Variants in KIAA0513 observed in about 807,000 individuals in gnomAD.
KIAA0513 encodes uncharacterized protein KIAA0513.
Under a neutral mutation model 56.5 loss-of-function variants are expected in KIAA0513, and 39 were observed. That is an observed-to-expected ratio of 0.69 (90% confidence interval 0.53 to 0.90). The LOEUF is 0.90. Among genes scored for constraint, KIAA0513 ranks in the 40% least tolerant of loss-of-function variants. The probability of loss-of-function intolerance (pLI) is 0.00; values close to 1 mark genes in which losing one functional copy is unlikely to be tolerated. For synonymous variants in KIAA0513, 268 were observed against 215.6 expected (o/e 1.24, Z -2.13); for missense variants, 591 against 535.2 (o/e 1.10, Z -1.03).
chr16:85,077,997 C>T (rs938068699), intron 6 of KIAA0513, among the ~76,000 whole-genome samples: 18 of 152,180 alleles, frequency 1.2e-4, no homozygotes, highest in African/African-American at 4.1e-4. Flanking sequence ...AAAACACTGT[C>T]CCCAGGAGAG....
At position 85,091,483 on chromosome 16, in the gene KIAA0513, T is replaced by A. The variant is rs896568292; in HGVS notation, c.*3158T>A. On this transcript the variant is annotated 3_prime_UTR_variant, in exon 13 of 13. Coordinates refer to ENST00000683363, the MANE Select transcript of KIAA0513 (RefSeq NM_001388359.1). Reference sequence around the variant, plus strand: ...AAGGGGGCCAAACAGCTCTGAAATTTCCAAAAAATGGCTAGAGGGAGAGTC... The same window carrying A: ...AAGGGGGCCAAACAGCTCTGAAATTACCAAAAAATGGCTAGAGGGAGAGTC... 1 of 152,128 alleles carries A rather than the reference T, an allele frequency of 6.6e-6. No homozygotes were observed. Among genetic ancestry groups the A allele is most frequent in the South Asian group, 2.1e-4 (1 of 4,826 alleles). 9.4% of individuals were successfully genotyped at this position (152,128 alleles called of 1,614,324 possible).
chr16:85,064,829 C>G (rs1423671258), intron 1 of KIAA0513, among the ~76,000 whole-genome samples: 1 of 152,068 alleles, frequency 6.6e-6, no homozygotes, highest in Non-Finnish European at 1.5e-5. Flanking sequence ...GGATTACAGG[C>G]AAGCCCCACC....
rs568262783 is a variant in KIAA0513 at position 85,061,691 on chromosome 16, G to C, written c.-172-5209G>C. On this transcript the variant is annotated intron_variant, in intron 1 of 12. Coordinates refer to ENST00000683363, the MANE Select transcript of KIAA0513 (RefSeq NM_001388359.1). ...TGCTGGAGAAGCCACAGCTCTGGTT[G>C]TTCCGGGATGCTGGGGAAATCAGTG... Among the ~76,000 whole-genome samples, 54 of 152,348 alleles carry C rather than the reference G, an allele frequency of 3.5e-4. 1 individual carries two copies. The South Asian group carries it at 8.3e-3, about 23-fold the overall frequency.
At chr16:85,042,520 C>G (rs762752295) in intron 1 of KIAA0513, among the ~76,000 whole-genome samples, 1 of 152,208 alleles carries the variant, frequency 6.6e-6, no homozygotes. Flanking sequence ...CATCTTTGCT[C>G]TGTAGCCTTA....
At chr16:85,072,054 T>C (rs1443519493) in intron 3 of KIAA0513, among the ~76,000 whole-genome samples, 172 bp downstream of exon 3, 1 of 152,046 alleles carries the variant, frequency 6.6e-6, no homozygotes, top group Non-Finnish European at 1.5e-5. Flanking sequence ...AAGGAGTGTT[T>C]AGAATAGTAA....
At position 85,073,068 on chromosome 16, in the gene KIAA0513, C is replaced by G. The variant is rs1597631752; in HGVS notation, c.503+70C>G. 9 of 1,286,520 alleles carry G rather than the reference C, an allele frequency of 7.0e-6. No individual in the cohort carries two copies. In the East Asian group the frequency reaches 2.1e-4, roughly 30 times the overall value. 79.7% of individuals were successfully genotyped at this position (1,286,520 alleles called of 1,614,324 possible). On this transcript the variant is annotated intron_variant, in intron 4 of 12. Transcript: ENST00000683363. ...CTTCCCTCCCTGCCTCCCTCCCCACCCAGCCGTGTCATAACCCAGCTGTGA... is the reference window on the plus strand; with the variant it reads ...CTTCCCTCCCTGCCTCCCTCCCCACGCAGCCGTGTCATAACCCAGCTGTGA...
At chr16:85,074,739 C>T (rs953620991) in intron 4 of KIAA0513, among the ~76,000 whole-genome samples, 2 of 152,208 alleles carry the variant, frequency 1.3e-5, no homozygotes, top group Non-Finnish European at 2.9e-5. Flanking sequence ...TGGTTTAAAA[C>T]AGGCCCTCCA....
chr16:85,071,946 C>A, intron 3 of KIAA0513, 64 bp downstream of exon 3: 2 of 1,124,180 alleles, frequency 1.8e-6, no homozygotes, highest in Non-Finnish European at 2.7e-6. Context: ...TGAAGCATAA[C>A]AAATTTGACT....
At chr16:85,049,290 G>C (rs1181425027) in intron 1 of KIAA0513, among the ~76,000 whole-genome samples, 1 of 152,250 alleles carries the variant, frequency 6.6e-6, no homozygotes, top group African/African-American at 2.4e-5. Context: ...ATAGAGGCAT[G>C]GATGTCCTCA....
In KIAA0513 at chr16:85,067,408, G is replaced by C. The variant is rs372241296; in HGVS notation, c.329+8G>C. On this transcript the variant is annotated splice_region_variant and intron_variant, in intron 2 of 12. Transcript: ENST00000683363. The stretch of plus-strand genomic sequence containing the variant: ...GAAGATCTTCTCTGGAGGGTAAGGG[G>C]CCTGTGTGGACGAGACAGCCTGGTG... The C allele has an allele frequency of 2.5e-6, 4 of 1,589,960 alleles. No individual in the cohort carries two copies. The African/African-American group carries it at 5.4e-5, about 21-fold the overall frequency.
chr16:85,070,633 G>T (rs1182945480), intron 2 of KIAA0513, among the ~76,000 whole-genome samples: 1 of 152,222 alleles, frequency 6.6e-6, no homozygotes, highest in Non-Finnish European at 1.5e-5. Flanking sequence ...AGCTGAGATT[G>T]CGCCACTGCA....
At position 85,071,883 on chromosome 16, in the gene KIAA0513, G is replaced by C; in HGVS notation, c.429+1G>C. 2 of 1,590,538 alleles carry C rather than the reference G, an allele frequency of 1.3e-6. No individual in the cohort carries two copies. The highest frequency in any genetic ancestry group is 1.7e-6 in the Non-Finnish European group (2 of 1,158,782). On this transcript the variant is annotated splice_donor_variant, in intron 3 of 12. Transcript: ENST00000683363. LOFTEE classifies it high-confidence loss of function. ...GTTTGCTCGATACGTGAGTGCCCAG[G>C]TAAGGGCGAGGTGATGGGAAGGATG... is the stretch of plus-strand genomic sequence containing the variant.
At chr16:85,062,468 G>A (rs563971815) in intron 1 of KIAA0513, among the ~76,000 whole-genome samples, 2 of 152,286 alleles carry the variant, frequency 1.3e-5, no homozygotes, top group African/African-American at 4.8e-5. Context: ...CAGTGCTTCA[G>A]GCCCGCAGGC....
Position 85,062,506 on chromosome 16 carries a change from G to C in KIAA0513, c.-172-4394G>C, listed in dbSNP as rs72805405. ...GCATGTTCCTATCTGCGGTGACACA[G>C]ATTCCCCTGTGGCCAAAAACACGGT... On this transcript the variant is annotated intron_variant, in intron 1 of 12. Coordinates refer to ENST00000683363, the MANE Select transcript of KIAA0513 (RefSeq NM_001388359.1). 4.4e-3 allele frequency among the ~76,000 whole-genome samples: 665 copies of C among 152,350 alleles called. 4 individuals carry two copies. Among genetic ancestry groups the C allele is most frequent in the Non-Finnish European group, 7.6e-3 (514 of 68,028 alleles).
chr16:85,056,179 C>T (rs904632477), intron 1 of KIAA0513, among the ~76,000 whole-genome samples: 2 of 152,236 alleles, frequency 1.3e-5, no homozygotes, highest in Non-Finnish European at 2.9e-5. Context: ...GACGGCACGA[C>T]GGTCTGCAGT....
chr16:85,075,746 T>G (rs2073646910), intron 4 of KIAA0513, 98 bp from the exon 5 acceptor site: 1 of 980,336 alleles, frequency 1.0e-6, no homozygotes, highest in Admixed American at 1.8e-5. Flanking sequence ...AGATATTAAT[T>G]GGGACGCATG....
At position 85,088,703 on chromosome 16, in the gene KIAA0513, G is replaced by T. The variant is rs2073837488; in HGVS notation, c.*378G>T. ...GATGCAGGCAGGACAGCCATGAGGT[G>T]GGGCTGCAGCCGGCACACCCAGTGG... On this transcript the variant is annotated 3_prime_UTR_variant, in exon 13 of 13. Transcript: ENST00000683363. 1.9e-5 allele frequency: 4 copies of T among 208,734 alleles called. No individual in the cohort carries two copies. In the South Asian group the frequency reaches 4.5e-4, roughly 24 times the overall value. The allele number at this position is 208,734 out of a possible 1,614,324, so 12.9% of individuals were successfully genotyped here.
chr16:85,059,613 G>T (rs1277091116), intron 1 of KIAA0513, among the ~76,000 whole-genome samples: 3 of 152,360 alleles, frequency 2.0e-5, no homozygotes, highest in African/African-American at 7.2e-5. Flanking sequence ...TCAACTGGGA[G>T]TGAAAGCAAT....
intron 1 of KIAA0513, among the ~76,000 whole-genome samples, chr16:85,053,990 CAAAAA>C (rs770896525): frequency 3.7e-5 from 3 of 80,726 alleles, no homozygotes; most frequent in Admixed American, 1.4e-4. Flanking sequence ...GACTCTGTCT[CAAAAA>C]AAAAAAAAAA....
Sources: gnomAD v4.1 joint callset for allele counts (sites outside exome capture counted in the v4.1 genomes callset) on GRCh38, gnomAD v4.1.1 for gene constraint, MANE v1.5 for transcripts, NCBI Gene and HGNC (gene_info 2026-07-23, HGNC 2026-07-21) for gene names.